Variants in CPB2 observed in about 807,000 individuals in gnomAD.
CPB2 encodes the protein carboxypeptidase B-like protein.
CPB2 carries 54 observed loss-of-function variants against 57.0 expected under a neutral mutation model. The observed-to-expected ratio is 0.95, with a 90% confidence interval of 0.76 to 1.19. CPB2 has a LOEUF of 1.19. CPB2 is among the 50% of genes most tolerant of loss of function. The pLI, the probability that CPB2 is intolerant of heterozygous loss-of-function variation, is 0.00. For synonymous variants in CPB2, 189 were observed against 178.1 expected, an observed-to-expected ratio of 1.06 and a Z score of -0.49; for missense variants, 426 against 512.0, an observed-to-expected ratio of 0.83 and a Z score of 1.62.
chr13:46,072,288 TAGTTTTTGA>T (rs1484464748), intron 6 of CPB2, among the ~76,000 whole-genome samples: 1 of 152,190 alleles, frequency 6.6e-6, no homozygotes, highest in Non-Finnish European at 1.5e-5. Context: ...TTGGGTGGTT[TAGTTTTTGA>T]ATATAAAACC....
chr13:46,084,525 C>T (rs2045170043), intron 2 of CPB2, among the ~76,000 whole-genome samples, 182 bp from the exon 3 acceptor site: 1 of 151,860 alleles, frequency 6.6e-6, no homozygotes, highest in African/African-American at 2.4e-5. Context: ...TTTTAAAATT[C>T]CTTTCTATAA....
intron 5 of CPB2, among the ~76,000 whole-genome samples, chr13:46,077,696 T>TGGATAAAGAAAATGTGGATGTG (rs17844043): frequency 6.6e-6 from 1 of 152,054 alleles, no homozygotes; most frequent in Admixed American, 6.5e-5. Context: ...AACAGATGAA[T>TGGATAAAGAAAATGTGGATGTG]GATAAAGAAA....
At chr13:46,097,289 G>A (rs532327342) in intron 1 of CPB2, 14 of 152,364 alleles carry the variant, frequency 9.2e-5, no homozygotes, top group East Asian at 1.9e-4. Context: ...CTCTCATTAA[G>A]GCTGATCTAG....
chr13:46,053,888 T>G (rs1209030506), intron 10 of CPB2, 90 bp from the exon 11 acceptor site: 2 of 1,287,396 alleles, frequency 1.6e-6, no homozygotes, highest in Admixed American at 2.4e-5. Flanking sequence ...TTTATTTGTT[T>G]GTATACCTTT....
chr13:46,095,821 G>C (rs978453783), intron 1 of CPB2, among the ~76,000 whole-genome samples: 1 of 151,556 alleles, frequency 6.6e-6, no homozygotes, highest in African/African-American at 2.4e-5. Context: ...GATACTAAGG[G>C]AGGCTCTTTC....
intron 6 of CPB2, among the ~76,000 whole-genome samples, chr13:46,072,087 G>A (rs1403563920): frequency 6.6e-6 from 1 of 152,152 alleles, no homozygotes; most frequent in East Asian, 1.9e-4. Flanking sequence ...CTGCCTTTGC[G>A]GAAAGAGAAG....
intron 1 of CPB2, among the ~76,000 whole-genome samples, chr13:46,089,237 A>G (rs987704405): frequency 3.3e-5 from 5 of 151,952 alleles, no homozygotes; most frequent in Admixed American, 3.3e-4. Flanking sequence ...CAATTTTGTC[A>G]TATATCAAGT....
chr13:46,103,779 A>T (rs932825080), intron 1 of CPB2, among the ~76,000 whole-genome samples: 3 of 152,268 alleles, frequency 2.0e-5, no homozygotes, highest in Middle Eastern at 3.4e-3. Flanking sequence ...CCTTTCCCTT[A>T]ACTGAAGCCA....
At chr13:46,086,630 G>T (rs1000769665) in intron 2 of CPB2, among the ~76,000 whole-genome samples, 1 of 152,232 alleles carries the variant, frequency 6.6e-6, no homozygotes, top group Non-Finnish European at 1.5e-5. Flanking sequence ...TTCCCACTGC[G>T]GTCCACGGGA....
rs900375490 is a variant in CPB2, at chr13:46,084,477, C to A, written c.151-134G>T. On this transcript the variant is annotated intron_variant, in intron 2 of 10. Coordinates refer to ENST00000181383, the MANE Select transcript of CPB2 (RefSeq NM_001872.5). ...ACTCCCTGGTGCTGGTCCCCATCCA[C>A]ACACATGGTAATATAAACATTTATT... 6 of 816,842 alleles carry A rather than the reference C, an allele frequency of 7.3e-6. No homozygotes were observed. In the South Asian group the frequency reaches 1.0e-4, roughly 14 times the overall value. The allele number at this position is 816,842 out of a possible 1,614,324, so 50.6% of individuals were successfully genotyped here.
intron 4 of CPB2, 118 bp downstream of exon 4, chr13:46,082,323 T>A: frequency 1.7e-6 from 1 of 576,906 alleles, no homozygotes; most frequent in Non-Finnish European, 3.0e-6. Flanking sequence ...CCTAAGTGTG[T>A]TTGTGTTTTA....
intron 5 of CPB2, among the ~76,000 whole-genome samples, chr13:46,075,521 G>A (rs1009811140): frequency 6.6e-6 from 1 of 152,166 alleles, no homozygotes; most frequent in African/African-American, 2.4e-5. Context: ...ACACAACATG[G>A]CTGAAAGCAA....
At chr13:46,064,071 A>G (rs2044816237) in intron 8 of CPB2, among the ~76,000 whole-genome samples, 1 of 152,062 alleles carries the variant, frequency 6.6e-6, no homozygotes, top group South Asian at 2.1e-4. Flanking sequence ...CAGCCTGGCC[A>G]ACATGGTGAA....
chr13:46,079,059 A>G (rs2045067494), intron 4 of CPB2, among the ~76,000 whole-genome samples, 158 bp from the exon 5 acceptor site: 1 of 152,218 alleles, frequency 6.6e-6, no homozygotes, highest in Non-Finnish European at 1.5e-5. Context: ...TCTGCTGTTT[A>G]GGGAAATTAA....
At chr13:46,083,693 T>C (rs1175557971) in intron 3 of CPB2, among the ~76,000 whole-genome samples, 1 of 152,162 alleles carries the variant, frequency 6.6e-6, no homozygotes, top group East Asian at 1.9e-4. Flanking sequence ...TATACAAAAC[T>C]TGGGAGCAGA....
intron 1 of CPB2, among the ~76,000 whole-genome samples, chr13:46,089,476 T>C (rs1002149208): frequency 1.3e-5 from 2 of 152,066 alleles, no homozygotes; most frequent in Admixed American, 6.5e-5. Flanking sequence ...GCCTCAAATG[T>C]GGAGTTGCAT....
chr13:46,087,750 A>G lies in CPB2; in HGVS notation c.145T>C (p.Tyr49His). Residue 49 changes from tyrosine (Y) to histidine (H), a missense_variant, in exon 2 of 11, where the codon TAT becomes CAT. By Grantham distance (83) the Tyr-to-His change is moderately conservative. Coordinates refer to ENST00000181383, the MANE Select transcript of CPB2 (RefSeq NM_001872.5). Reference protein sequence around the residue: ...VQVLQNLTTTYEIVLWQPVTA... With the variant: ...VQVLQNLTTTHEIVLWQPVTA... ...ATAAATTAGGGAGAAATTACCTCAT[A>G]TGTTGTAGTAAGATTCTGTAGAACT... is the stretch of plus-strand genomic sequence containing the variant. 1.2e-6 allele frequency: 2 copies of G among 1,604,398 alleles called. No homozygotes were observed. Among genetic ancestry groups the G allele is most frequent in the Non-Finnish European group, 1.7e-6 (2 of 1,172,856 alleles).
rs10571812 is a variant in CPB2 at position 46,059,577 on chromosome 13, T to TATCATC, written c.797-1202_797-1197dup. Among the ~76,000 whole-genome samples, 532 of 150,142 alleles carry TATCATC rather than the reference T, an allele frequency of 3.5e-3. 3 individuals carry two copies. Among genetic ancestry groups the TATCATC allele is most frequent in the East Asian group, 7.5e-3 (38 of 5,050 alleles). On this transcript the variant is annotated intron_variant, in intron 8 of 10. Transcript: ENST00000181383. ...TATGCATTTCATAACTGTTGCTGTT[T>TATCATC]ATCATCATCATCATCATCATCATCA...
intron 8 of CPB2, among the ~76,000 whole-genome samples, chr13:46,062,680 T>C (rs551742215): frequency 9.2e-5 from 14 of 152,358 alleles, no homozygotes; most frequent in African/African-American, 3.4e-4. Flanking sequence ...ATTTAGTTAA[T>C]ATTTTATGAG....
Sources: allele counts gnomAD v4.1 joint callset (sites outside exome capture counted in the v4.1 genomes callset), GRCh38; gene constraint gnomAD v4.1.1; transcripts MANE v1.5; gene names NCBI Gene and HGNC (gene_info 2026-07-23, HGNC 2026-07-21).